BRF1: variants seen among roughly 807,000 people sequenced by gnomAD.
The protein encoded by BRF1 is transcription factor IIIB 90 kDa subunit.
A neutral mutation model predicts 81.7 loss-of-function variants in BRF1; 59 were observed. That is an observed-to-expected ratio of 0.72 (90% CI 0.59 to 0.90). The LOEUF is 0.90. Ranked by LOEUF, BRF1 falls within the 40% of genes least tolerant of loss-of-function variation. The probability of loss-of-function intolerance (pLI) is 0.00; values close to 1 mark genes in which losing one functional copy is unlikely to be tolerated. For missense variants in BRF1, 1,050 were observed against 936.3 expected (o/e 1.12, Z -1.58); for synonymous variants, 491 against 395.6 (o/e 1.24, Z -2.86).
At chr14:105,250,439 G>A (rs752495591) in intron 5 of BRF1, 10 of 1,613,992 alleles carry the variant, frequency 6.2e-6, no homozygotes, top group Non-Finnish European at 8.5e-6. Flanking sequence ...CATGTCAGAC[G>A]GATCCAGTAA....
chr14:105,224,574 G>A (rs909092517), intron 10 of BRF1, among the ~76,000 whole-genome samples: 2 of 152,144 alleles, frequency 1.3e-5, no homozygotes, highest in Non-Finnish European at 2.9e-5. Flanking sequence ...CTGGGGACAG[G>A]GTCTGGCTCT....
rs1202587709 is a variant in BRF1 at position 105,241,169 on chromosome 14, C to G, written c.694+96G>C. The G allele has an allele frequency of 6.5e-6, 10 of 1,543,240 alleles. No individual in the cohort carries two copies. The South Asian group carries it at 8.4e-5, about 13-fold the overall frequency. Reference sequence around the variant, plus strand: ...GCTGGAGGCAGCTCTCAGTGCTCTGCAAACATACGGCCCAGCCCACCAGCA... The same window carrying G: ...GCTGGAGGCAGCTCTCAGTGCTCTGGAAACATACGGCCCAGCCCACCAGCA... On this transcript the variant is annotated intron_variant, in intron 6 of 17. Coordinates refer to ENST00000547530, the MANE Select transcript of BRF1 (RefSeq NM_001519.4).
chr14:105,291,619 T>C (rs1595478949), intron 1 of BRF1, among the ~76,000 whole-genome samples: 1 of 150,308 alleles, frequency 6.7e-6, no homozygotes, highest in South Asian at 2.1e-4. Context: ...GAGATGGAGG[T>C]TGCAGTGAGC....
At position 105,217,664 on chromosome 14, in the gene BRF1, C is replaced by T. The variant is rs753140640; in HGVS notation, c.1652G>A (p.Gly551Glu). 1 of 1,613,380 alleles carries T rather than the reference C, an allele frequency of 6.2e-7. No homozygotes were observed. Among genetic ancestry groups the T allele is most frequent in the Non-Finnish European group, 8.5e-7 (1 of 1,180,030 alleles). Residue 551 changes from glycine to glutamate, a missense_variant, in exon 15 of 18, where the codon GGG becomes GAG. Transcript: ENST00000547530. Reference sequence around the variant, plus strand: ...TGCATCCTCCCTGTGCGGACTGCCCCCGCCGGCGCTGCTGAGGCCCCGGAG... The same window carrying T: ...TGCATCCTCCCTGTGCGGACTGCCCTCGCCGGCGCTGCTGAGGCCCCGGAG... ...SVLRGLSSAG[G>E]GSPHREDAQP...
chr14:105,312,376 C>CGTGGTAG (rs1356378439), intron 1 of BRF1, among the ~76,000 whole-genome samples: 2 of 152,230 alleles, frequency 1.3e-5, no homozygotes, highest in Non-Finnish European at 2.9e-5. Flanking sequence ...CCGGGCAGCA[C>CGTGGTAG]GTGGTAGGAC....
chr14:105,222,074 T>C (rs1322830328), intron 10 of BRF1, 160 bp from the exon 11 acceptor site: 1 of 836,692 alleles, frequency 1.2e-6, no homozygotes, highest in Non-Finnish European at 1.8e-6. Context: ...AGCCCACACC[T>C]CGCACTGCAC....
At chr14:105,304,538 A>T (rs78272293), upstream of BRF1, among the ~76,000 whole-genome samples, 5,505 of 152,328 alleles carry the variant, frequency 0.036, 370 homozygotes, top group African/African-American at 0.13. Flanking sequence ...GTGAGGCTCT[A>T]CTGGGCAATG....
chr14:105,270,219 G>A (rs1344912925), intron 3 of BRF1, among the ~76,000 whole-genome samples: 1 of 150,228 alleles, frequency 6.7e-6, no homozygotes. Flanking sequence ...TGTAGCCCAG[G>A]CTGGAGTGCA....
Position 105,221,845 on chromosome 14 carries a change from G to A in BRF1, c.1118C>T (p.Ala373Val), listed in dbSNP as rs763864881. ...TAAGTCTTTGTTCAGGTGGCTGGCC[G>A]CGGCTTCCAGCTCCTCGTCCTCTGT... The part of the protein sequence containing the change: ...EDTEDEELEA[A>V]ASHLNKDLYR... The change falls in exon 11 of 18, where the codon GCG becomes GTG. Residue 373 changes from alanine (A) to valine (V), a missense_variant. Physicochemically the swap from Ala to Val is moderately conservative, Grantham distance 64 (BLOSUM62 0). Coordinates refer to ENST00000547530, the MANE Select transcript of BRF1 (RefSeq NM_001519.4). 6.2e-6 allele frequency: 10 copies of A among 1,606,758 alleles called. No individual in the cohort carries two copies. The highest frequency in any genetic ancestry group is 5.1e-5 in the Admixed American group (3 of 59,218).
intron 8 of BRF1, 64 bp downstream of exon 8, chr14:105,226,570 G>C: frequency 6.2e-7 from 1 of 1,605,642 alleles, no homozygotes; most frequent in Non-Finnish European, 8.5e-7. Flanking sequence ...ACCCCAGTCG[G>C]GGTGTGTGGC....
chr14:105,251,549 C>T lies in BRF1; in HGVS notation c.544+958G>A, dbSNP rs145073239. 4.0e-3 allele frequency among the ~76,000 whole-genome samples: 614 copies of T among 152,262 alleles called. 1 individual carries two copies. Among genetic ancestry groups the T allele is most frequent in the Non-Finnish European group, 6.0e-3 (408 of 68,022 alleles). The stretch of plus-strand genomic sequence containing the variant: ...TTTTCTGGAAAACCTGTATGACCCC[C>T]GAAAAGAGGGATGGCCCCTCTTGGC... On this transcript the variant is annotated intron_variant, in intron 5 of 17. Coordinates refer to ENST00000547530, the MANE Select transcript of BRF1 (RefSeq NM_001519.4).
At chr14:105,308,446 TA>T (rs2058252793) in intron 1 of BRF1, among the ~76,000 whole-genome samples, 1 of 151,074 alleles carries the variant, frequency 6.6e-6, no homozygotes, top group Non-Finnish European at 1.5e-5. Context: ...GGCACCATTG[TA>T]CTCCAGCCTG....
In BRF1 at chr14:105,223,443, C is replaced by T. The variant is rs1358906063; in HGVS notation, c.1049-1529G>A. 3.3e-5 allele frequency among the ~76,000 whole-genome samples: 5 copies of T among 152,336 alleles called. No individual in the cohort carries two copies. The East Asian group carries it at 5.8e-4, about 18-fold the overall frequency. ...AACCATTGATGCGTGACTCAACACA[C>T]ACCCTCAGCGTGCTGAAGGACTACC... On this transcript the variant is annotated intron_variant, in intron 10 of 17. Transcript: ENST00000547530.
rs183486740 is a variant in BRF1 at position 105,229,531 on chromosome 14, C to G, written c.695-618G>C. ...CAATTCCGGAGCTGGGGTAGTTGACCAGGCCACGGCCACATCCACCCACCA... is the reference window on the plus strand; with the variant it reads ...CAATTCCGGAGCTGGGGTAGTTGACGAGGCCACGGCCACATCCACCCACCA... On this transcript the variant is annotated intron_variant, in intron 6 of 17. Transcript: ENST00000547530. 5.3e-5 allele frequency among the ~76,000 whole-genome samples: 8 copies of G among 152,334 alleles called. No homozygotes were observed. In the East Asian group the frequency reaches 1.5e-3, roughly 29 times the overall value.
At chr14:105,217,939 C>A in intron 14 of BRF1, 139 bp from the exon 15 acceptor site, 14 of 1,367,020 alleles carry the variant, frequency 1.0e-5, no homozygotes, top group Non-Finnish European at 1.4e-5. Flanking sequence ...GCCTCCTCCC[C>A]CCAGAATGTG....
At chr14:105,224,916 G>A (rs764929407) in intron 10 of BRF1, among the ~76,000 whole-genome samples, 1 of 152,180 alleles carries the variant, frequency 6.6e-6, no homozygotes, top group South Asian at 2.1e-4. Flanking sequence ...ACTGAGTCCC[G>A]GAGGGGTCCC....
rs2055557051 is a variant in BRF1 at position 105,250,729 on chromosome 14, T to G, written c.544+1778A>C. On this transcript the variant is annotated intron_variant, in intron 5 of 17. Transcript: ENST00000547530. ...GTGAGTGGAGGGGAAGTCAAGATGCTAACTGCTTCTTGACACCATGAAAGG... is the reference window on the plus strand; with the variant it reads ...GTGAGTGGAGGGGAAGTCAAGATGCGAACTGCTTCTTGACACCATGAAAGG... The G allele has an allele frequency of 2.0e-6, 3 of 1,498,442 alleles. No individual in the cohort carries two copies. The South Asian group carries it at 3.7e-5, about 19-fold the overall frequency. The allele number at this position is 1,498,442 out of a possible 1,614,324, so 92.8% of individuals were successfully genotyped here. A position where few individuals can be genotyped will look rare whatever the true frequency, so the allele number is the denominator to read the frequency against.
intron 16 of BRF1, 104 bp from the exon 17 acceptor site, chr14:105,211,397 C>T (rs1199381878): frequency 1.8e-5 from 20 of 1,119,400 alleles, no homozygotes; most frequent in African/African-American, 4.8e-5. Context: ...CAGCCACTCC[C>T]GCCACACCAG....
rs761851912 is a variant in BRF1, at chr14:105,219,251, G to T, written c.1378-19C>A. The T allele has an allele frequency of 1.2e-6, 2 of 1,608,744 alleles. No homozygotes were observed. The highest frequency in any genetic ancestry group is 1.7e-6 in the Non-Finnish European group (2 of 1,175,902). On this transcript the variant is annotated intron_variant, in intron 12 of 17. Coordinates refer to ENST00000547530, the MANE Select transcript of BRF1 (RefSeq NM_001519.4). Reference sequence around the variant, plus strand: ...GGATGTACTGGGCGAGCACAGGGAAGTGGGGCTGGCTTTTAGCCTTCGCAC... The same window carrying T: ...GGATGTACTGGGCGAGCACAGGGAATTGGGGCTGGCTTTTAGCCTTCGCAC...
Sources: allele counts gnomAD v4.1 joint callset (sites outside exome capture counted in the v4.1 genomes callset), GRCh38; gene constraint gnomAD v4.1.1; transcripts MANE v1.5; gene names NCBI Gene and HGNC (gene_info 2026-07-23, HGNC 2026-07-21).